The following PRKN variants were observed in gnomAD, a reference collection of about 807,000 sequenced individuals.
The protein encoded by PRKN is parkin RBR E3 ubiquitin protein ligase.
In PRKN, 56 loss-of-function variants were observed where a neutral mutation model predicts 59.5. The ratio of observed to expected loss-of-function variants is 0.94; its 90% CI spans 0.76 to 1.18. PRKN has a LOEUF of 1.18. Among genes scored for constraint, PRKN ranks in the 50% most tolerant of loss-of-function variants. The pLI is 0.00. For synonymous variants in PRKN, 250 were observed against 222.1 expected, an observed-to-expected ratio of 1.13 and a Z score of -1.12; for missense variants, 657 against 596.4, an observed-to-expected ratio of 1.10 and a Z score of -1.06.
chr6:161,891,745 GGTAAAAGAT>G (rs1300206470), intron 6 of PRKN, among the ~76,000 whole-genome samples: 3 of 152,172 alleles, frequency 2.0e-5, no homozygotes, highest in African/African-American at 7.2e-5. Context: ...GTTTTTCAGA[GGTAAAAGAT>G]GTAGAGTGTC....
Position 162,201,130 on chromosome 6 carries a change from CCT to C in PRKN, c.533_534del (p.Gln178ArgfsTer7). On this transcript the variant is annotated frameshift_variant and splice_region_variant, in exon 4 of 12. Coordinates refer to ENST00000366898, the MANE Select transcript of PRKN (RefSeq NM_004562.3). LOFTEE classifies it high-confidence loss of function. ...TCRQATLTLT[Q>X]GPSCWDDVLI... ...CTCATGCTGACACTGCATTTCCTTA[CCT>C]GGGTCAAGGTGAGCGTTGCCTGCCT... 6.2e-7 allele frequency: 1 copy of C among 1,614,120 alleles called. No homozygotes were observed. Among genetic ancestry groups the C allele is most frequent in the Non-Finnish European group, 8.5e-7 (1 of 1,180,000 alleles).
At chr6:161,895,602 G>A (rs149289555) in intron 6 of PRKN, among the ~76,000 whole-genome samples, 2,547 of 114,882 alleles carry the variant, frequency 0.022, 134 homozygotes, top group African/African-American at 0.087. Context: ...TGAGATTCAG[G>A]AGCACGCCCA....
At chr6:161,758,384 A>G (rs1476847696) in intron 7 of PRKN, among the ~76,000 whole-genome samples, 2 of 152,214 alleles carry the variant, frequency 1.3e-5, no homozygotes, top group Non-Finnish European at 2.9e-5. Context: ...AATATACACA[A>G]TTCAGCAGTA....
At chr6:161,661,237 G>A (rs1784532513) in intron 7 of PRKN, among the ~76,000 whole-genome samples, 1 of 152,118 alleles carries the variant, frequency 6.6e-6, no homozygotes, top group Non-Finnish European at 1.5e-5. Context: ...GACCCTCACG[G>A]AGTCTGACAG....
chr6:161,941,164 C>A (rs765590923), intron 6 of PRKN, among the ~76,000 whole-genome samples: 4 of 152,192 alleles, frequency 2.6e-5, no homozygotes, highest in Non-Finnish European at 5.9e-5. Flanking sequence ...TTTTCATTTT[C>A]CTGCCCCAAT....
intron 6 of PRKN, among the ~76,000 whole-genome samples, chr6:161,788,389 T>G (rs1008860198): frequency 1.3e-4 from 20 of 152,156 alleles, no homozygotes; most frequent in African/African-American, 3.9e-4. Context: ...AGTGCACACC[T>G]TCCAATATAA....
chr6:162,443,065 T>C (rs1039211219), intron 2 of PRKN, among the ~76,000 whole-genome samples: 1 of 152,174 alleles, frequency 6.6e-6, no homozygotes, highest in Non-Finnish European at 1.5e-5. Flanking sequence ...TCACTAAGCC[T>C]AGCTCGTGTG....
intron 2 of PRKN, among the ~76,000 whole-genome samples, chr6:162,428,878 T>C (rs10945829): frequency 0.43 from 65,528 of 151,948 alleles, 14,315 homozygotes; most frequent in East Asian, 0.58. Flanking sequence ...CTAGGTCCTT[T>C]GCTCCCTCTC....
At chr6:162,122,750 CTAT>C (rs1780967555) in intron 4 of PRKN, among the ~76,000 whole-genome samples, 2 of 151,664 alleles carry the variant, frequency 1.3e-5, no homozygotes, top group Non-Finnish European at 2.9e-5. Context: ...ATCTATCTAT[CTAT>C]CTATCTCTGA....
chr6:161,947,702 T>G (rs1198063083), intron 6 of PRKN, among the ~76,000 whole-genome samples: 2 of 152,234 alleles, frequency 1.3e-5, no homozygotes, highest in Non-Finnish European at 2.9e-5. Context: ...AATTGTTGTT[T>G]TAAAACGGTA....
chr6:161,727,286 C>A (rs148431451), intron 7 of PRKN, among the ~76,000 whole-genome samples: 30 of 152,238 alleles, frequency 2.0e-4, no homozygotes, highest in African/African-American at 6.7e-4. Context: ...CCGCTGTTAT[C>A]CTGAGGACTG....
chr6:161,691,191 C>A (rs1373968363), intron 7 of PRKN, among the ~76,000 whole-genome samples: 2 of 152,184 alleles, frequency 1.3e-5, no homozygotes, highest in East Asian at 3.9e-4. Context: ...TAGAAACCTC[C>A]ATCTCTTCCA....
At chr6:162,176,160 G>GA (rs1178442474) in intron 4 of PRKN, among the ~76,000 whole-genome samples, 1 of 152,140 alleles carries the variant, frequency 6.6e-6, no homozygotes, top group African/African-American at 2.4e-5. Context: ...AGTATCAGCA[G>GA]AGGGGCCTAT....
At chr6:162,564,410 A>G (rs565091348) in intron 1 of PRKN, among the ~76,000 whole-genome samples, 1 of 152,292 alleles carries the variant, frequency 6.6e-6, no homozygotes, top group East Asian at 1.9e-4. Flanking sequence ...AAAATAAAGG[A>G]CAAGATAGGG....
chr6:161,477,485 C>T (rs193132432), intron 9 of PRKN, among the ~76,000 whole-genome samples: 22 of 135,836 alleles, frequency 1.6e-4, no homozygotes, highest in Non-Finnish European at 2.6e-4. Flanking sequence ...CATTGCACTC[C>T]AGCAACAAGA....
chr6:162,218,820 A>T (rs1173700316), intron 3 of PRKN, among the ~76,000 whole-genome samples: 3 of 152,068 alleles, frequency 2.0e-5, no homozygotes, highest in Non-Finnish European at 2.9e-5. Flanking sequence ...CGTGGCAGCG[A>T]ATTAAAGAAC....
chr6:162,521,878 A>G (rs2128193722), intron 1 of PRKN, among the ~76,000 whole-genome samples: 1 of 152,300 alleles, frequency 6.6e-6, no homozygotes, highest in South Asian at 2.1e-4. Context: ...GGGGCAAGTA[A>G]GCATGAATAG....
rs1378722336 is a variant in PRKN, at chr6:161,391,977, C to A, written c.1084-5100G>T. 6.6e-6 allele frequency among the ~76,000 whole-genome samples: 1 copy of A among 151,696 alleles called. No homozygotes were observed. Among genetic ancestry groups the A allele is most frequent in the Non-Finnish European group, 1.5e-5 (1 of 67,972 alleles). The stretch of plus-strand genomic sequence containing the variant: ...GATATATAGATACAATGTGTGCCTG[C>A]ATGTATATATATGTAGGGATATACA... On this transcript the variant is annotated intron_variant, in intron 9 of 11. Coordinates refer to ENST00000366898, the MANE Select transcript of PRKN (RefSeq NM_004562.3). This position sits in a 1 kb window ranked among gnomAD's most constrained non-coding sequence, Gnocchi z 4.9.
chr6:162,627,896 A>G (rs1363326064), intron 1 of PRKN, among the ~76,000 whole-genome samples: 2 of 152,262 alleles, frequency 1.3e-5, no homozygotes, highest in African/African-American at 2.4e-5. Flanking sequence ...TGTATAGGAT[A>G]TAGCAGTAAA....
Sources: gnomAD v4.1 joint callset for allele counts (sites outside exome capture counted in the v4.1 genomes callset) on GRCh38, gnomAD v4.1.1 for gene constraint, Gnocchi (gnomAD v3.1) non-coding constraint, MANE v1.5 for transcripts, NCBI Gene and HGNC (gene_info 2026-07-23, HGNC 2026-07-21) for gene names.